Variants in EDC4 observed in about 807,000 individuals in gnomAD.
EDC4 encodes enhancer of mRNA-decapping protein 4.
A neutral mutation model predicts 155.8 loss-of-function variants in EDC4; 64 were observed. The observed-to-expected ratio is 0.41, with a 90% CI of 0.34 to 0.51. The LOEUF (loss-of-function observed/expected upper bound fraction) is 0.51. Among genes scored for constraint, EDC4 ranks in the 20% least tolerant of loss-of-function variants. The probability of loss-of-function intolerance (pLI) is 0.19; values close to 1 mark genes in which losing one functional copy is unlikely to be tolerated. For synonymous variants in EDC4, 684 were observed against 716.8 expected, an observed-to-expected ratio of 0.95 and a Z score of 0.73; for missense variants, 1,303 against 1,812.5, an observed-to-expected ratio of 0.72 and a Z score of 5.10.
rs199857893 is a variant in EDC4 at position 67,878,650 on chromosome 16, G to T, written c.1184+19G>T. On this transcript the variant is annotated intron_variant, in intron 10 of 28. Coordinates refer to ENST00000358933, the MANE Select transcript of EDC4 (RefSeq NM_014329.5). The surrounding 1 kb of genome is among the most constrained non-coding windows in gnomAD (Gnocchi z 5.2). The stretch of plus-strand genomic sequence containing the variant: ...CTATTCGGTAAGCAGTGGCTGGAAG[G>T]CTGGGGGACTGGGCAGGGGCGGCAG... 63 of 1,614,224 alleles carry T rather than the reference G, an allele frequency of 3.9e-5. No homozygotes were observed. The highest frequency in any genetic ancestry group is 1.2e-4 in the Admixed American group (7 of 60,022).
In EDC4 at chr16:67,878,829, T is replaced by C; in HGVS notation, c.1277T>C (p.Val426Ala). 6.2e-7 allele frequency: 1 copy of C among 1,613,720 alleles called. No individual in the cohort carries two copies. Among genetic ancestry groups the C allele is most frequent in the South Asian group, 1.1e-5 (1 of 91,082 alleles). Residue 426 changes from valine to alanine, a missense_variant, in exon 11 of 29, where the codon GTG becomes GCG. By Grantham distance (64) the Val-to-Ala change is moderately conservative. This residue lies in a region of EDC4 where 235 missense variants were observed against 367.7 expected (regional missense o/e 0.64). Coordinates refer to ENST00000358933, the MANE Select transcript of EDC4 (RefSeq NM_014329.5). This position sits in a 1 kb window ranked among gnomAD's most constrained non-coding sequence, Gnocchi z 5.2. The part of the protein sequence containing the change: ...LSAEYLILSD[V>A]QRKVLYVMEL... ...GCAGAATACCTGATTCTCAGCGATGTGCAACGGAAGGTAGGCTGCCATGGG... is the reference window on the plus strand; with the variant it reads ...GCAGAATACCTGATTCTCAGCGATGCGCAACGGAAGGTAGGCTGCCATGGG...
chr16:67,883,767 G>A lies in EDC4; in HGVS notation c.4013+36G>A, dbSNP rs369875600. ...ACAGCCAGGGATGGGGAGATGAGCT[G>A]GGGAGTGGGGCAGTGGGAGGGAGCA... On this transcript the variant is annotated intron_variant, in intron 28 of 28. Coordinates refer to ENST00000358933, the MANE Select transcript of EDC4 (RefSeq NM_014329.5). The surrounding 1 kb of genome is among the most constrained non-coding windows in gnomAD (Gnocchi z 5.3). The A allele has an allele frequency of 5.6e-6, 9 of 1,607,996 alleles. No homozygotes were observed. In the African/African-American group the frequency reaches 8.0e-5, roughly 14 times the overall value.
chr16:67,877,815 G>C lies in EDC4; in HGVS notation c.864G>C (p.Gln288His). 2.5e-6 allele frequency: 4 copies of C among 1,614,156 alleles called. No individual in the cohort carries two copies. Among genetic ancestry groups the C allele is most frequent in the Non-Finnish European group, 3.4e-6 (4 of 1,180,032 alleles). The change falls in exon 7 of 29, where the codon CAG becomes CAC. Residue 288 changes from glutamine to histidine, a missense_variant. Coordinates refer to ENST00000358933, the MANE Select transcript of EDC4 (RefSeq NM_014329.5). This position sits in a 1 kb window ranked among gnomAD's most constrained non-coding sequence, Gnocchi z 4.9. The stretch of plus-strand genomic sequence containing the variant: ...CTGTGGATGTTAGCCAGATCAAGCA[G>C]GGCTTCATTGTGGTAAAAGGTCATA... ...TWPVDVSQIKQGFIVVKGHST... is the reference protein window; with the variant it reads ...TWPVDVSQIKHGFIVVKGHST...
rs761925362 is a variant in EDC4, at chr16:67,882,810, G to A, written c.3574G>A (p.Val1192Met). 2.4e-5 allele frequency: 39 copies of A among 1,614,126 alleles called. No individual in the cohort carries two copies. The highest frequency in any genetic ancestry group is 3.2e-5 in the Non-Finnish European group (38 of 1,180,004). The change falls in exon 26 of 29, where the codon GTG becomes ATG. Residue 1192 changes from valine to methionine, a missense_variant. Val to Met is a conservative substitution (Grantham distance 21). Coordinates refer to ENST00000358933, the MANE Select transcript of EDC4 (RefSeq NM_014329.5). The surrounding 1 kb of genome is among the most constrained non-coding windows in gnomAD (Gnocchi z 7.2). ...QSATEQMAATVAGSVRAEVQH... is the reference protein window; with the variant it reads ...QSATEQMAATMAGSVRAEVQH... ...TGCCACTGAGCAGATGGCAGCCACC[G>A]TGGCCGGCAGTGTTCGTGCTGAGGT...
Position 67,883,219 on chromosome 16 carries a change from T to G in EDC4, c.3849+42T>G. The G allele has an allele frequency of 1.3e-6, 2 of 1,518,106 alleles. No homozygotes were observed. The highest frequency in any genetic ancestry group is 1.8e-6 in the Non-Finnish European group (2 of 1,131,936). The allele number at this position is 1,518,106 out of a possible 1,614,324, so 94.0% of individuals were successfully genotyped here. Reference sequence around the variant, plus strand: ...GCCCTGCTAAGGGTCACGTGTCTCTTGACAAGGCCCACATACCATACATTC... The same window carrying G: ...GCCCTGCTAAGGGTCACGTGTCTCTGGACAAGGCCCACATACCATACATTC... On this transcript the variant is annotated intron_variant, in intron 27 of 28. Transcript: ENST00000358933. The surrounding 1 kb of genome is among the most constrained non-coding windows in gnomAD (Gnocchi z 5.3).
At chr16:67,873,367 G>A in intron 1 of EDC4, 24 bp downstream of exon 1, 1 of 1,423,232 alleles carries the variant, frequency 7.0e-7, no homozygotes, top group Non-Finnish European at 9.2e-7. Flanking sequence ...GCGGGGGTGG[G>A]CCCCAGGCGA....
chr16:67,878,505 G>T lies in EDC4; in HGVS notation c.1089-31G>T. ...ACCATGGCTCCCAGCAGGGGCCCCAGCCAGTCACTCACTGCCTTGTTGCCT... is the reference window on the plus strand; with the variant it reads ...ACCATGGCTCCCAGCAGGGGCCCCATCCAGTCACTCACTGCCTTGTTGCCT... On this transcript the variant is annotated intron_variant, in intron 9 of 28. Transcript: ENST00000358933. This position sits in a 1 kb window ranked among gnomAD's most constrained non-coding sequence, Gnocchi z 5.2. 1 of 1,614,204 alleles carries T rather than the reference G, an allele frequency of 6.2e-7. No individual in the cohort carries two copies. Among genetic ancestry groups the T allele is most frequent in the Non-Finnish European group, 8.5e-7 (1 of 1,180,030 alleles).
intron 1 of EDC4, among the ~76,000 whole-genome samples, chr16:67,875,209 G>T (rs1265708505): frequency 6.6e-6 from 1 of 152,170 alleles, no homozygotes; most frequent in East Asian, 1.9e-4. Context: ...TCCACACGCT[G>T]CCCCATAGTT....
Position 67,882,752 on chromosome 16 carries a change from C to A in EDC4, c.3516C>A (p.Ala1172=). ...AGGAGGCCAGGGAGCCTGTGCTAGC[C>A]CAGCTGCGGGGCCTGGTCAGCACAC... ...REQEAREPVL[A]QLRGLVSTLQ... Residue 1172 remains alanine, a synonymous_variant, in exon 26 of 29, where the codon GCC becomes GCA. Transcript: ENST00000358933. The surrounding 1 kb of genome is among the most constrained non-coding windows in gnomAD (Gnocchi z 7.2). 6.2e-7 allele frequency: 1 copy of A among 1,614,250 alleles called. No individual in the cohort carries two copies. Among genetic ancestry groups the A allele is most frequent in the Non-Finnish European group, 8.5e-7 (1 of 1,180,044 alleles).
Position 67,878,514 on chromosome 16 carries a change from TCA to T in EDC4, c.1089-20_1089-19del. On this transcript the variant is annotated intron_variant, in intron 9 of 28. Transcript: ENST00000358933. This position sits in a 1 kb window ranked among gnomAD's most constrained non-coding sequence, Gnocchi z 5.2. ...CCCAGCAGGGGCCCCAGCCAGTCACTCACTGCCTTGTTGCCTTGCAGTGTCCC... is the reference window on the plus strand; with the variant it reads ...CCCAGCAGGGGCCCCAGCCAGTCACTCTGCCTTGTTGCCTTGCAGTGTCCC... 1 of 1,614,212 alleles carries T rather than the reference TCA, an allele frequency of 6.2e-7. No homozygotes were observed. The highest frequency in any genetic ancestry group is 1.1e-5 in the South Asian group (1 of 91,088).
At position 67,882,464 on chromosome 16, in the gene EDC4, C is replaced by T. The variant is rs772196931; in HGVS notation, c.3312C>T (p.Asp1104=). 6.2e-7 allele frequency: 1 copy of T among 1,614,168 alleles called. No homozygotes were observed. Among genetic ancestry groups the T allele is most frequent in the South Asian group, 1.1e-5 (1 of 91,088 alleles). Residue 1104 remains aspartate, a synonymous_variant, in exon 25 of 29, where the codon GAC becomes GAT. Transcript: ENST00000358933. This position sits in a 1 kb window ranked among gnomAD's most constrained non-coding sequence, Gnocchi z 7.2. ...ATGCCATCGCCCGAGCAGCTGCAGA[C>T]ACATTACAAGGGCCGATGCAGGCTG... is the stretch of plus-strand genomic sequence containing the variant. ...LTDAIARAAA[D]TLQGPMQAAY... is the part of the protein sequence containing the mutation.
Position 67,883,110 on chromosome 16 carries a change from G to C in EDC4, c.3782G>C (p.Cys1261Ser), listed in dbSNP as rs756025487. ...GTPVPSAHLD[C>S]QAQQAHILQL... ...CCTGTCCCCTCTGCCCACCTTGACT[G>C]CCAGGCCCAGCAAGCCCATATCCTG... Residue 1261 changes from cysteine (C) to serine (S), a missense_variant, in exon 27 of 29, where the codon TGC becomes TCC. By Grantham distance (112) the Cys-to-Ser change is moderately radical (BLOSUM62 -1). Around this residue, in one of 5 missense-constraint regions of EDC4, gnomAD observed 527 missense variants for 757.0 expected, o/e 0.70. Coordinates refer to ENST00000358933, the MANE Select transcript of EDC4 (RefSeq NM_014329.5). This position sits in a 1 kb window ranked among gnomAD's most constrained non-coding sequence, Gnocchi z 5.3. 1.4e-5 allele frequency: 22 copies of C among 1,610,070 alleles called. No individual in the cohort carries two copies. Among genetic ancestry groups the C allele is most frequent in the Non-Finnish European group, 1.9e-5 (22 of 1,178,942 alleles).
Position 67,878,517 on chromosome 16 carries a change from C to G in EDC4, c.1089-19C>G, listed in dbSNP as rs760169146. ...AGCAGGGGCCCCAGCCAGTCACTCA[C>G]TGCCTTGTTGCCTTGCAGTGTCCCT... is the stretch of plus-strand genomic sequence containing the variant. On this transcript the variant is annotated intron_variant, in intron 9 of 28. Coordinates refer to ENST00000358933, the MANE Select transcript of EDC4 (RefSeq NM_014329.5). The surrounding 1 kb of genome is among the most constrained non-coding windows in gnomAD (Gnocchi z 5.2). 2 of 1,614,254 alleles carry G rather than the reference C, an allele frequency of 1.2e-6. No individual in the cohort carries two copies. Among genetic ancestry groups the G allele is most frequent in the South Asian group, 2.2e-5 (2 of 91,086 alleles).
At position 67,877,869 on chromosome 16, in the gene EDC4, C is replaced by T. The variant is rs1328092105; in HGVS notation, c.894+24C>T. 2 of 1,612,946 alleles carry T rather than the reference C, an allele frequency of 1.2e-6. No homozygotes were observed. Among genetic ancestry groups the T allele is most frequent in the Admixed American group, 1.7e-5 (1 of 59,864 alleles). On this transcript the variant is annotated intron_variant, in intron 7 of 28. Transcript: ENST00000358933. The surrounding 1 kb of genome is among the most constrained non-coding windows in gnomAD (Gnocchi z 4.9). ...CGGTAAGCCTGTGACTGCCTGCCTC[C>T]CCTGCCCTCCCCACTTCCTCATATC... is the stretch of plus-strand genomic sequence containing the variant.
rs371506372 is a variant in EDC4 at position 67,877,372 on chromosome 16, G to A, written c.607G>A (p.Val203Met). The A allele has an allele frequency of 6.2e-6, 10 of 1,613,790 alleles. No individual in the cohort carries two copies. The highest frequency in any genetic ancestry group is 1.7e-5 in the Admixed American group (1 of 60,022). Residue 203 changes from valine (V) to methionine (M), a missense_variant, in exon 5 of 29, where the codon GTG becomes ATG. Coordinates refer to ENST00000358933, the MANE Select transcript of EDC4 (RefSeq NM_014329.5). The surrounding 1 kb of genome is among the most constrained non-coding windows in gnomAD (Gnocchi z 4.9). ...CCTGGATGAGGCAGGCAACCTGTTC[G>A]TGTGGCGCTTGGCTCTGGTTAATGG... Reference protein sequence around the residue: ...ACLDEAGNLFVWRLALVNGKI... With the variant: ...ACLDEAGNLFMWRLALVNGKI...
rs745914710 is a variant in EDC4 at position 67,883,620 on chromosome 16, A to C, written c.3902A>C (p.Asp1301Ala). 1.2e-6 allele frequency: 2 copies of C among 1,614,106 alleles called. No homozygotes were observed. Among genetic ancestry groups the C allele is most frequent in the Non-Finnish European group, 1.7e-6 (2 of 1,180,014 alleles). ...GTGCTGTATGTGTGTGAAACTGTGG[A>C]CCCAGCCCAGGTTTTTGGGCAGCCA... The part of the protein sequence containing the change: ...NLVLYVCETV[D>A]PAQVFGQPPC... Residue 1301 changes from aspartate (D) to alanine (A), a missense_variant, in exon 28 of 29, where the codon GAC (aspartate) becomes GCC (alanine). Physicochemically the swap from Asp to Ala is moderately radical, Grantham distance 126 (BLOSUM62 -2). Coordinates refer to ENST00000358933, the MANE Select transcript of EDC4 (RefSeq NM_014329.5). This position sits in a 1 kb window ranked among gnomAD's most constrained non-coding sequence, Gnocchi z 5.3.
rs2058075956 is a variant in EDC4, at chr16:67,883,006, G to A, written c.3678G>A (p.Glu1226=). Reference sequence around the variant, plus strand: ...AGGTACAGCGCATCGTTAAGGGTGAGGTGAGTGTGGCGCTCAAGGAGCAGC... The same window carrying A: ...AGGTACAGCGCATCGTTAAGGGTGAAGTGAGTGTGGCGCTCAAGGAGCAGC... The part of the protein sequence containing the change: ...LAQVQRIVKG[E]VSVALKEQQA... Residue 1226 remains glutamate (E), a synonymous_variant, in exon 27 of 29, where the codon GAG becomes GAA. Transcript: ENST00000358933. This position sits in a 1 kb window ranked among gnomAD's most constrained non-coding sequence, Gnocchi z 5.3. 4 of 1,613,998 alleles carry A rather than the reference G, an allele frequency of 2.5e-6. No homozygotes were observed. The highest frequency in any genetic ancestry group is 2.2e-5 in the East Asian group (1 of 44,898).
Position 67,879,863 on chromosome 16 carries a change from C to CCAGCAGCAGCAGCAGCGGTAG in EDC4, c.1852_1872dup (p.Gly618_Ser624dup), listed in dbSNP as rs766433972. 2.1e-5 allele frequency: 34 copies of CCAGCAGCAGCAGCAGCGGTAG among 1,612,680 alleles called. No homozygotes were observed. Among genetic ancestry groups the CCAGCAGCAGCAGCAGCGGTAG allele is most frequent in the Middle Eastern group, 1.6e-4 (1 of 6,078 alleles). On this transcript the variant is annotated inframe_insertion, in exon 16 of 29. Transcript: ENST00000358933. This position sits in a 1 kb window ranked among gnomAD's most constrained non-coding sequence, Gnocchi z 6.0. ...GCATCTCCCCAGATCACTGCCTCTC[C>CCAGCAGCAGCAGCAGCGGTAG]CAGCAGCAGCAGCAGCGGTAGCAGC...
chr16:67,879,105 C>T lies in EDC4; in HGVS notation c.1436C>T (p.Pro479Leu). The T allele has an allele frequency of 1.2e-6, 2 of 1,613,918 alleles. No homozygotes were observed. Among genetic ancestry groups the T allele is most frequent in the Non-Finnish European group, 1.7e-6 (2 of 1,179,892 alleles). Reference sequence around the variant, plus strand: ...CGGCTACGGCACACTGAGGTGCTGCCTGCCGAAGAGGAAAATGACAGCCTG... The same window carrying T: ...CGGCTACGGCACACTGAGGTGCTGCTTGCCGAAGAGGAAAATGACAGCCTG... ...RCRLRHTEVL[P>L]AEEENDSLGA... The change falls in exon 12 of 29, where the codon CCT becomes CTT. Residue 479 changes from proline to leucine, a missense_variant. Transcript: ENST00000358933. The surrounding 1 kb of genome is among the most constrained non-coding windows in gnomAD (Gnocchi z 6.0).
Sources: allele counts gnomAD v4.1 joint callset (sites outside exome capture counted in the v4.1 genomes callset), GRCh38; gene constraint gnomAD v4.1.1; regional missense constraint gnomAD v4.1.1; non-coding constraint Gnocchi (gnomAD v3.1); transcripts MANE v1.5; gene names NCBI Gene and HGNC (gene_info 2026-07-23, HGNC 2026-07-21).